Variants in CSMD1 observed in about 807,000 individuals in gnomAD.
CSMD1 encodes CUB and Sushi multiple domains 1.
A neutral mutation model predicts 417.5 loss-of-function variants in CSMD1; 213 were observed. That is an observed-to-expected ratio of 0.51 (90% CI 0.46 to 0.57). The LOEUF (loss-of-function observed/expected upper bound fraction) is 0.57. Among genes scored for constraint, CSMD1 ranks in the 20% least tolerant of loss-of-function variants. The pLI is 0.00. For missense variants in CSMD1, 6,923 were observed against 4,529.7 expected (o/e 1.53, Z -15.17); for synonymous variants, 2,862 against 1,736.8 (o/e 1.65, Z -16.11).
chr8:4,018,826 C>G (rs920953844), intron 4 of CSMD1, among the ~76,000 whole-genome samples: 1 of 152,288 alleles, frequency 6.6e-6, no homozygotes, highest in South Asian at 2.1e-4. Context: ...AGCGTGGGAC[C>G]TTGGTGAAGT....
intron 5 of CSMD1, among the ~76,000 whole-genome samples, chr8:3,822,425 A>G (rs114457652): frequency 0.026 from 3,927 of 152,316 alleles, 70 homozygotes; most frequent in African/African-American, 0.048. Context: ...TAGGTTGAAT[A>G]TCTAGAAAAA....
rs368060360 is a variant in CSMD1 at position 3,490,315 on chromosome 8, G to A, written c.1448+3308C>T. On this transcript the variant is annotated intron_variant, in intron 11 of 69. Transcript: ENST00000635120. Reference sequence around the variant, plus strand: ...GAGAGAAGGCGCTAATAACACTTCTGTCAATGTAATACATAGTTTGCAATT... The same window carrying A: ...GAGAGAAGGCGCTAATAACACTTCTATCAATGTAATACATAGTTTGCAATT... 3.9e-5 allele frequency among the ~76,000 whole-genome samples: 6 copies of A among 152,258 alleles called. No homozygotes were observed. In the East Asian group the frequency reaches 7.7e-4, roughly 20 times the overall value.
chr8:4,862,307 G>C (rs1802184430), intron 1 of CSMD1, among the ~76,000 whole-genome samples: 1 of 152,072 alleles, frequency 6.6e-6, no homozygotes, highest in Non-Finnish European at 1.5e-5. Flanking sequence ...TCCATCATCA[G>C]AACCTTATGA....
intron 3 of CSMD1, among the ~76,000 whole-genome samples, chr8:4,328,283 T>C (rs866454089): frequency 3.3e-5 from 5 of 150,430 alleles, no homozygotes; most frequent in Middle Eastern, 3.5e-3. Context: ...ATTCTCTTCT[T>C]AACTGTGAAT....
At chr8:3,708,262 T>C (rs1050926344) in intron 7 of CSMD1, among the ~76,000 whole-genome samples, 152 bp downstream of exon 7, 1 of 152,200 alleles carries the variant, frequency 6.6e-6, no homozygotes, top group South Asian at 2.1e-4. Flanking sequence ...AGTTAGTGCA[T>C]GTTCTTTCTC....
At chr8:3,800,208 T>C (rs562846666) in intron 5 of CSMD1, among the ~76,000 whole-genome samples, 1 of 152,268 alleles carries the variant, frequency 6.6e-6, no homozygotes, top group African/African-American at 2.4e-5. Context: ...AGCAGAACTT[T>C]CAACAAACTT....
intron 1 of CSMD1, among the ~76,000 whole-genome samples, chr8:4,696,179 A>G (rs543907219): frequency 6.6e-6 from 1 of 152,358 alleles, no homozygotes; most frequent in East Asian, 1.9e-4. Context: ...TTTTAAAGCC[A>G]GTGCACATGT....
rs561778255 is a variant in CSMD1, at chr8:3,528,138, G to C, written c.1345-34412C>G. ...AAAGTGATTCTTTATTTTACAAAGG[G>C]AGCTGACATAGAATTATTTTGCATG... On this transcript the variant is annotated intron_variant, in intron 10 of 69. Transcript: ENST00000635120. Among the ~76,000 whole-genome samples the C allele has an allele frequency of 2.6e-5, 4 of 152,324 alleles. No homozygotes were observed. The South Asian group carries it at 8.3e-4, about 32-fold the overall frequency.
At chr8:4,993,029 C>G (rs1029920800) in intron 1 of CSMD1, among the ~76,000 whole-genome samples, 36 of 152,218 alleles carry the variant, frequency 2.4e-4, no homozygotes, top group South Asian at 2.1e-4. Flanking sequence ...GTCTCTCCCC[C>G]GCTCTCCAGG....
chr8:3,913,080 C>A (rs1472423068), intron 5 of CSMD1, among the ~76,000 whole-genome samples: 3 of 152,066 alleles, frequency 2.0e-5, no homozygotes, highest in African/African-American at 7.2e-5. Flanking sequence ...AGGAAAGGAG[C>A]TTTTGGATGG....
At chr8:3,048,370 C>G (rs1368479840) in intron 50 of CSMD1, among the ~76,000 whole-genome samples, 1 of 152,130 alleles carries the variant, frequency 6.6e-6, no homozygotes, top group South Asian at 2.1e-4. Flanking sequence ...CATTATGTTA[C>G]TGGCAAAAAA....
rs968141823 is a variant in CSMD1 at position 4,159,754 on chromosome 8, A to T, written c.416-127655T>A. 5.9e-5 allele frequency among the ~76,000 whole-genome samples: 9 copies of T among 152,270 alleles called. No individual in the cohort carries two copies. In the East Asian group the frequency reaches 1.7e-3, roughly 29 times the overall value. On this transcript the variant is annotated intron_variant, in intron 3 of 69. Transcript: ENST00000635120. ...CAGGTGCCCGCCACCACGCCCGGCT[A>T]ATTTTTTATATTTTTAGTAGAGATG...
chr8:4,688,230 A>G (rs370447708), intron 1 of CSMD1, among the ~76,000 whole-genome samples: 13 of 152,192 alleles, frequency 8.5e-5, no homozygotes, highest in Admixed American at 3.9e-4. Flanking sequence ...CTTATATCTT[A>G]CGTCTTAGCT....
At chr8:4,326,512 C>A (rs565312996) in intron 3 of CSMD1, among the ~76,000 whole-genome samples, 1 of 152,072 alleles carries the variant, frequency 6.6e-6, no homozygotes. Context: ...GGTCCATAAA[C>A]GAGAGGTAGT....
At chr8:3,368,232 G>A (rs747497286) in intron 19 of CSMD1, among the ~76,000 whole-genome samples, 1 of 152,162 alleles carries the variant, frequency 6.6e-6, no homozygotes, top group South Asian at 2.1e-4. Context: ...GTGCCACACA[G>A]TACACATAAT....
chr8:4,386,369 C>G (rs757592239), intron 3 of CSMD1, among the ~76,000 whole-genome samples: 1 of 151,876 alleles, frequency 6.6e-6, no homozygotes, highest in Non-Finnish European at 1.5e-5. Flanking sequence ...ACAATATACA[C>G]TATCAGACAT....
chr8:4,355,198 C>G (rs1801350398), intron 3 of CSMD1, among the ~76,000 whole-genome samples: 1 of 151,822 alleles, frequency 6.6e-6, no homozygotes, highest in Non-Finnish European at 1.5e-5. Flanking sequence ...GGAGGCGGAG[C>G]TTGCAATGAT....
intron 1 of CSMD1, among the ~76,000 whole-genome samples, chr8:4,819,841 C>G (rs553758026): frequency 3.7e-4 from 56 of 152,160 alleles, no homozygotes; most frequent in African/African-American, 1.3e-3. Context: ...ACCAGAAGAG[C>G]AAACGAGTGT....
chr8:3,457,561 G>C (rs572260028), intron 12 of CSMD1, among the ~76,000 whole-genome samples: 2 of 152,176 alleles, frequency 1.3e-5, no homozygotes, highest in Non-Finnish European at 2.9e-5. Context: ...AAGAGGATAT[G>C]TACGCGGTTT....
Sources: gnomAD v4.1 joint callset for allele counts (sites outside exome capture counted in the v4.1 genomes callset) on GRCh38, gnomAD v4.1.1 for gene constraint, MANE v1.5 for transcripts, NCBI Gene and HGNC (gene_info 2026-07-23, HGNC 2026-07-21) for gene names.